Variants in KDM4C observed in about 807,000 individuals in gnomAD.
KDM4C encodes the protein lysine demethylase 4C, also known as lysine-specific demethylase 4C.
A neutral mutation model predicts 129.3 loss-of-function variants in KDM4C; 81 were observed. The ratio of observed to expected loss-of-function variants is 0.63; its 90% CI spans 0.52 to 0.75. The LOEUF (loss-of-function observed/expected upper bound fraction) is 0.75, where lower values mean the gene tolerates loss of function less well. Among genes scored for constraint, KDM4C ranks in the 30% least tolerant of loss-of-function variants. The pLI, the probability that KDM4C is intolerant of heterozygous loss-of-function variation, is 0.00. For synonymous variants in KDM4C, 573 were observed against 456.1 expected, an observed-to-expected ratio of 1.26 and a Z score of -3.26; for missense variants, 1,457 against 1,304.0, an observed-to-expected ratio of 1.12 and a Z score of -1.81.
intron 1 of KDM4C, among the ~76,000 whole-genome samples, chr9:6,726,133 C>T (rs4742246): frequency 2.6e-5 from 4 of 151,600 alleles, no homozygotes; most frequent in Admixed American, 6.6e-5. Context: ...TTCGCCGTCG[C>T]GGCCAGACTG....
intron 19 of KDM4C, among the ~76,000 whole-genome samples, chr9:7,150,648 T>A (rs1282920964): frequency 6.6e-6 from 1 of 152,202 alleles, no homozygotes; most frequent in Non-Finnish European, 1.5e-5. Context: ...TTAGAACTGC[T>A]GCTCTTGTGC....
rs578019101 is a variant in KDM4C at position 6,981,180 on chromosome 9, C to A, written c.1115+62C>A. 5 of 1,348,956 alleles carry A rather than the reference C, an allele frequency of 3.7e-6. No individual in the cohort carries two copies. In the South Asian group the frequency reaches 4.5e-5, roughly 12 times the overall value. The allele number at this position is 1,348,956 out of a possible 1,614,324, so 83.6% of individuals were successfully genotyped here. On this transcript the variant is annotated intron_variant, in intron 9 of 21. Coordinates refer to ENST00000381309, the MANE Select transcript of KDM4C (RefSeq NM_015061.6). The stretch of plus-strand genomic sequence containing the variant: ...TCGTGTTTTCTCAGTTAAAATGGGT[C>A]ATTGGATGTGGCAATTTACTTGCTT...
chr9:6,910,895 G>C (rs1032371565), intron 8 of KDM4C, among the ~76,000 whole-genome samples: 1 of 152,172 alleles, frequency 6.6e-6, no homozygotes, highest in African/African-American at 2.4e-5. Context: ...ATGATGTGGA[G>C]GTACGTTTAT....
chr9:7,091,343 A>G (rs1412500917), intron 17 of KDM4C, among the ~76,000 whole-genome samples: 1 of 152,212 alleles, frequency 6.6e-6, no homozygotes, highest in Non-Finnish European at 1.5e-5. Flanking sequence ...GATTTCGGCA[A>G]ACTTCACACA....
intron 5 of KDM4C, among the ~76,000 whole-genome samples, chr9:6,857,368 A>C (rs1257303205): frequency 6.6e-6 from 1 of 152,256 alleles, no homozygotes. Flanking sequence ...GTATGGTATT[A>C]GCTTTGTACA....
At chr9:6,968,062 T>C (rs1185086145) in intron 8 of KDM4C, among the ~76,000 whole-genome samples, 2 of 152,248 alleles carry the variant, frequency 1.3e-5, no homozygotes, top group South Asian at 2.1e-4. Flanking sequence ...AAGTGGTAGA[T>C]GTTTGCTATC....
At chr9:6,998,710 C>T (rs113216461) in intron 12 of KDM4C, among the ~76,000 whole-genome samples, 2,869 of 152,224 alleles carry the variant, frequency 0.019, 83 homozygotes, top group African/African-American at 0.061. Flanking sequence ...GCAAGAGAAT[C>T]GCTGGAACCT....
At position 7,152,836 on chromosome 9, in the gene KDM4C, A is replaced by G. The variant is rs535101379; in HGVS notation, c.2782-12402A>G. Among the ~76,000 whole-genome samples the G allele has an allele frequency of 1.1e-4, 16 of 152,318 alleles. No homozygotes were observed. In the South Asian group the frequency reaches 1.9e-3, roughly 18 times the overall value. ...AGAGACAGATCAGCTGTATTCTAAC[A>G]TGAAAGAAAATAAAGGCTGGACCGG... On this transcript the variant is annotated intron_variant, in intron 19 of 21. Coordinates refer to ENST00000381309, the MANE Select transcript of KDM4C (RefSeq NM_015061.6).
intron 19 of KDM4C, among the ~76,000 whole-genome samples, chr9:7,149,880 G>T (rs1842571330): frequency 6.6e-6 from 1 of 152,238 alleles, no homozygotes; most frequent in East Asian, 1.9e-4. Context: ...CTAAGAGGAA[G>T]TGTCAGAAAG....
Position 6,874,411 on chromosome 9 carries a change from C to G in KDM4C, c.630-5601C>G, listed in dbSNP as rs764987008. On this transcript the variant is annotated intron_variant, in intron 5 of 21. Coordinates refer to ENST00000381309, the MANE Select transcript of KDM4C (RefSeq NM_015061.6). ...AGGGCTTTTTACCTCCTATCATTTG[C>G]TCTCATTCAGGGCATTCTGTTTCAG... 5.3e-5 allele frequency among the ~76,000 whole-genome samples: 8 copies of G among 152,166 alleles called. No individual in the cohort carries two copies. The East Asian group carries it at 1.5e-3, about 29-fold the overall frequency.
intron 3 of KDM4C, among the ~76,000 whole-genome samples, chr9:6,811,270 C>A (rs987033058): frequency 1.3e-4 from 20 of 152,156 alleles, no homozygotes; most frequent in Admixed American, 4.6e-4. Flanking sequence ...TCTCCTGCCT[C>A]AGCCTCCCGA....
At chr9:6,976,648 T>C (rs1052968747) in intron 8 of KDM4C, among the ~76,000 whole-genome samples, 4 of 152,212 alleles carry the variant, frequency 2.6e-5, no homozygotes, top group African/African-American at 9.7e-5. Context: ...TCTAATGTGA[T>C]TTGATTGTGC....
At chr9:6,974,393 T>C (rs1368119489) in intron 8 of KDM4C, among the ~76,000 whole-genome samples, 1 of 152,210 alleles carries the variant, frequency 6.6e-6, no homozygotes, top group Non-Finnish European at 1.5e-5. Flanking sequence ...GGAGTCTTAC[T>C]CTGTCGTCCA....
intron 8 of KDM4C, among the ~76,000 whole-genome samples, chr9:6,965,562 A>G (rs1830814457): frequency 6.6e-6 from 1 of 152,238 alleles, no homozygotes; most frequent in Non-Finnish European, 1.5e-5. Context: ...CTCTGCAGTC[A>G]ATAAGTTGAA....
chr9:7,170,023 C>T, intron 21 of KDM4C, 133 bp downstream of exon 21: 1 of 1,544,098 alleles, frequency 6.5e-7, no homozygotes, highest in Middle Eastern at 1.8e-4. Flanking sequence ...CAACATTTTC[C>T]TTAGTGGAAC....
At chr9:6,777,203 T>C (rs1823265795) in intron 1 of KDM4C, among the ~76,000 whole-genome samples, 1 of 152,212 alleles carries the variant, frequency 6.6e-6, no homozygotes. Context: ...TTTTTATTAA[T>C]ATTATACTTT....
At chr9:7,170,282 T>A (rs971505002) in intron 21 of KDM4C, 1 of 1,074,422 alleles carries the variant, frequency 9.3e-7, no homozygotes, top group Non-Finnish European at 1.1e-6. Context: ...CTCGGCATAA[T>A]TGAATGTCTG....
rs565198093 is a variant in KDM4C at position 7,139,853 on chromosome 9, T to C, written c.2781+11617T>C. On this transcript the variant is annotated intron_variant, in intron 19 of 21. Coordinates refer to ENST00000381309, the MANE Select transcript of KDM4C (RefSeq NM_015061.6). ...TTCTTGCTGCCTCAGAAGACAATAA[T>C]TTGACTCAGGGGCATAAGGCAGAAG... Among the ~76,000 whole-genome samples, 264 of 152,314 alleles carry C rather than the reference T, an allele frequency of 1.7e-3. 1 individual carries two copies. Among genetic ancestry groups the C allele is most frequent in the African/African-American group, 6.1e-3 (252 of 41,560 alleles).
intron 3 of KDM4C, among the ~76,000 whole-genome samples, chr9:6,814,315 A>G (rs1368579278): frequency 1.3e-5 from 2 of 152,060 alleles, no homozygotes; most frequent in Admixed American, 6.6e-5. Flanking sequence ...TTCTTAGCAT[A>G]GTATAGTTGA....
Sources: gnomAD v4.1 joint callset for allele counts (sites outside exome capture counted in the v4.1 genomes callset) on GRCh38, gnomAD v4.1.1 for gene constraint, MANE v1.5 for transcripts, NCBI Gene and HGNC (gene_info 2026-07-23, HGNC 2026-07-21) for gene names.